Variants in MDGA2 observed in about 807,000 individuals in gnomAD.
MDGA2 encodes the protein MAM domain containing glycosylphosphatidylinositol anchor 2, also known as MAM domain-containing glycosylphosphatidylinositol anchor protein 2.
In MDGA2, 40 loss-of-function variants were observed where a neutral mutation model predicts 117.8. That is an observed-to-expected ratio of 0.34 (90% CI 0.26 to 0.44). The LOEUF (loss-of-function observed/expected upper bound fraction) is 0.44, where lower values mean the gene tolerates loss of function less well. Ranked by LOEUF, MDGA2 falls within the 20% of genes least tolerant of loss-of-function variation. The pLI, the probability that MDGA2 is intolerant of heterozygous loss-of-function variation, is 1.00. For missense variants in MDGA2, 1,123 were observed against 1,250.6 expected (o/e 0.90, Z 1.54); for synonymous variants, 452 against 439.0 (o/e 1.03, Z -0.37).
intron 1 of MDGA2, among the ~76,000 whole-genome samples, chr14:47,364,983 T>C (rs1364440884): frequency 6.6e-6 from 1 of 152,198 alleles, no homozygotes; most frequent in Non-Finnish European, 1.5e-5. Context: ...CTTCATGATA[T>C]AGTATGTATG....
At chr14:47,644,649 G>T (rs1259073609) in intron 1 of MDGA2, among the ~76,000 whole-genome samples, 2 of 151,850 alleles carry the variant, frequency 1.3e-5, no homozygotes, top group Non-Finnish European at 2.9e-5. Context: ...TTGCACAACA[G>T]GGTGAAGACA....
rs1882838886 is a variant in MDGA2, at chr14:47,144,139, T to C, written c.731A>G (p.Gln244Arg). The C allele has an allele frequency of 6.4e-7, 1 of 1,551,136 alleles. No individual in the cohort carries two copies. Among genetic ancestry groups the C allele is most frequent in the Non-Finnish European group, 8.7e-7 (1 of 1,146,768 alleles). The change falls in exon 4 of 17, where the codon CAG (glutamine) becomes CGG (arginine). Residue 244 changes from glutamine to arginine, a missense_variant. By Grantham distance (43) the Gln-to-Arg change is conservative. Transcript: ENST00000399232. ...PPVRYSWRRGQEVLLQGSDKG... is the reference protein window; with the variant it reads ...PPVRYSWRRGREVLLQGSDKG... ...ATCAGATCCTTGCAGCAAGACCTCC[T>C]GGCCACGTCTCCAGCTATACCGAAC...
intron 1 of MDGA2, among the ~76,000 whole-genome samples, chr14:47,611,976 G>C (rs1896856164): frequency 6.6e-6 from 1 of 152,156 alleles, no homozygotes; most frequent in Non-Finnish European, 1.5e-5. Flanking sequence ...AGAGTGGAAA[G>C]TTGTGTTTAG....
At chr14:47,504,110 G>C (rs1894460393) in intron 1 of MDGA2, among the ~76,000 whole-genome samples, 1 of 151,910 alleles carries the variant, frequency 6.6e-6, no homozygotes, top group Non-Finnish European at 1.5e-5. Flanking sequence ...ATATATCTGG[G>C]GTTAAACGTG....
intron 4 of MDGA2, among the ~76,000 whole-genome samples, chr14:47,137,698 G>T (rs1007944085): frequency 2.6e-5 from 4 of 152,058 alleles, no homozygotes; most frequent in Non-Finnish European, 4.4e-5. Context: ...AATCTCAGGT[G>T]TTCCTATATG....
chr14:46,847,320 G>T (rs1337934257), intron 15 of MDGA2, among the ~76,000 whole-genome samples: 1 of 152,018 alleles, frequency 6.6e-6, no homozygotes. Context: ...GTTAAGATAA[G>T]CATGTTCTTA....
At chr14:46,917,145 C>T (rs1485478996) in intron 10 of MDGA2, among the ~76,000 whole-genome samples, 2 of 151,500 alleles carry the variant, frequency 1.3e-5, no homozygotes, top group African/African-American at 4.8e-5. Context: ...ATAGATCTTA[C>T]AGAAGACAAT....
chr14:47,023,959 C>A (rs1888382423), intron 8 of MDGA2, among the ~76,000 whole-genome samples: 1 of 151,704 alleles, frequency 6.6e-6, no homozygotes, highest in Non-Finnish European at 1.5e-5. Context: ...GCAGCCAAAA[C>A]AAGATTGAAA....
rs28450051 is a variant in MDGA2 at position 47,322,558 on chromosome 14, T to C, written c.281-21008A>G. 3.9e-3 allele frequency among the ~76,000 whole-genome samples: 589 copies of C among 152,260 alleles called. 5 individuals are homozygous for C. The highest frequency in any genetic ancestry group is 0.014 in the African/African-American group (565 of 41,564). On this transcript the variant is annotated intron_variant, in intron 1 of 16. Coordinates refer to ENST00000399232, the MANE Select transcript of MDGA2 (RefSeq NM_001113498.3). ...AACAGAGCTCAATCAGATTTTATCC[T>C]TCAGGAGCAGTGCTAGACAGAGCAG...
At chr14:47,127,392 A>C (rs1881960125) in intron 5 of MDGA2, among the ~76,000 whole-genome samples, 1 of 152,138 alleles carries the variant, frequency 6.6e-6, no homozygotes, top group Admixed American at 6.6e-5. Flanking sequence ...GTATTTTGAA[A>C]GCTACCTCAT....
chr14:47,391,031 G>T (rs958016482), intron 1 of MDGA2, among the ~76,000 whole-genome samples: 8 of 152,142 alleles, frequency 5.3e-5, no homozygotes, highest in African/African-American at 1.9e-4. Context: ...CACTAGACTA[G>T]AGACATAGCA....
At chr14:47,427,714 T>G (rs1892719758) in intron 1 of MDGA2, among the ~76,000 whole-genome samples, 2 of 152,100 alleles carry the variant, frequency 1.3e-5, no homozygotes, top group South Asian at 4.1e-4. Flanking sequence ...GCCAGATACT[T>G]CCTCAAGTGG....
chr14:47,585,912 T>C (rs1397812007), intron 1 of MDGA2, among the ~76,000 whole-genome samples: 1 of 151,768 alleles, frequency 6.6e-6, no homozygotes, highest in Non-Finnish European at 1.5e-5. Context: ...TTCATCTCAG[T>C]ATATACAGTC....
Position 47,155,885 on chromosome 14 carries a change from CTTCTTTTTTTTTTTTTTTTTTTTTT to C in MDGA2, c.596-11636_596-11612del, listed in dbSNP as rs1206835693. ...ACAATTCTTTTCTTTTCTTCTTCTTCTTCTTTTTTTTTTTTTTTTTTTTTTTTTTTTTTTTTTTTTTTTTTTGAGA... is the reference window on the plus strand; with the variant it reads ...ACAATTCTTTTCTTTTCTTCTTCTTCTTTTTTTTTTTTTTTTTTTTTGAGA... On this transcript the variant is annotated intron_variant, in intron 3 of 16. Transcript: ENST00000399232. 2.4e-3 allele frequency among the ~76,000 whole-genome samples: 192 copies of C among 80,440 alleles called. 5 individuals are homozygous for C. The highest frequency in any genetic ancestry group is 3.2e-3 in the Non-Finnish European group (129 of 40,744). 52.8% of individuals were successfully genotyped at this position (80,440 alleles called of 152,430 possible).
intron 10 of MDGA2, among the ~76,000 whole-genome samples, chr14:46,900,428 C>T (rs118035929): frequency 0.024 from 3,689 of 152,218 alleles, 69 homozygotes; most frequent in Non-Finnish European, 0.037. Flanking sequence ...AGTACCTTTA[C>T]TGCTAATAGC....
chr14:47,650,570 T>C (rs1034301660), intron 1 of MDGA2, among the ~76,000 whole-genome samples: 1 of 152,080 alleles, frequency 6.6e-6, no homozygotes, highest in Non-Finnish European at 1.5e-5. Flanking sequence ...TAAGTATGGG[T>C]ATGTGTGAAT....
chr14:46,976,792 TGAG>T (rs1264540236), intron 8 of MDGA2, among the ~76,000 whole-genome samples: 1 of 151,932 alleles, frequency 6.6e-6, no homozygotes, highest in African/African-American at 2.4e-5. Flanking sequence ...CTTCTAGAAT[TGAG>T]TCTTCAGGAA....
intron 1 of MDGA2, among the ~76,000 whole-genome samples, chr14:47,454,610 A>G (rs1417932960): frequency 6.6e-6 from 1 of 152,198 alleles, no homozygotes; most frequent in Non-Finnish European, 1.5e-5. Flanking sequence ...GCTTTTACAC[A>G]TGTACCTGAT....
At chr14:47,381,350 G>A (rs1891620450) in intron 1 of MDGA2, among the ~76,000 whole-genome samples, 1 of 152,170 alleles carries the variant, frequency 6.6e-6, no homozygotes, top group Non-Finnish European at 1.5e-5. Context: ...AGCGTTGGAA[G>A]TTCTGGCCAG....
Sources: allele counts gnomAD v4.1 joint callset (sites outside exome capture counted in the v4.1 genomes callset), GRCh38; gene constraint gnomAD v4.1.1; transcripts MANE v1.5; gene names NCBI Gene and HGNC (gene_info 2026-07-23, HGNC 2026-07-21).